The following PARD3B variants were observed in gnomAD, a reference collection of about 807,000 sequenced individuals.
PARD3B encodes par-3 family cell polarity regulator beta, also known as partitioning defective 3 homolog B.
PARD3B carries 103 observed loss-of-function variants against 130.2 expected under a neutral mutation model. That is an observed-to-expected ratio of 0.79 (90% CI 0.67 to 0.93). PARD3B has a LOEUF of 0.93. Among genes scored for constraint, PARD3B ranks in the 40% least tolerant of loss-of-function variants. The pLI is 0.00. For synonymous variants in PARD3B, 583 were observed against 553.2 expected (o/e 1.05, Z -0.76); for missense variants, 1,609 against 1,499.2 (o/e 1.07, Z -1.21).
chr2:205,009,760 T>G (rs1341814270), intron 3 of PARD3B, among the ~76,000 whole-genome samples: 1 of 152,190 alleles, frequency 6.6e-6, no homozygotes, highest in African/African-American at 2.4e-5. Flanking sequence ...TTGTAACATC[T>G]TTTTTGTTCC....
intron 4 of PARD3B, among the ~76,000 whole-genome samples, chr2:205,061,665 C>A (rs1700072836): frequency 6.6e-6 from 1 of 151,912 alleles, no homozygotes; most frequent in Non-Finnish European, 1.5e-5. Context: ...TGAATTTGAT[C>A]ATCTTTAGCT....
intron 21 of PARD3B, among the ~76,000 whole-genome samples, chr2:205,532,915 AATAAG>A (rs1030853299): frequency 6.6e-6 from 1 of 152,230 alleles, no homozygotes; most frequent in Non-Finnish European, 1.5e-5. Context: ...TACATCTATA[AATAAG>A]ATATTAAAGT....
intron 2 of PARD3B, among the ~76,000 whole-genome samples, chr2:204,942,370 A>G (rs1363696160): frequency 1.3e-5 from 2 of 152,174 alleles, no homozygotes; most frequent in African/African-American, 4.8e-5. Flanking sequence ...TATTTCAAAA[A>G]TGTAGTGATT....
At chr2:205,248,418 G>A (rs111408864) in intron 16 of PARD3B, among the ~76,000 whole-genome samples, 38 of 150,772 alleles carry the variant, frequency 2.5e-4, no homozygotes, top group African/African-American at 8.4e-4. Context: ...TGGTGGTGGC[G>A]GCAGCAGCAG....
chr2:205,035,082 C>T (rs1268232291), intron 3 of PARD3B, among the ~76,000 whole-genome samples: 5 of 151,956 alleles, frequency 3.3e-5, no homozygotes, highest in East Asian at 1.9e-4. Flanking sequence ...AGGCTGGTCT[C>T]GAACTCCTAA....
intron 2 of PARD3B, among the ~76,000 whole-genome samples, chr2:204,715,695 G>C (rs755117957): frequency 3.9e-5 from 6 of 152,146 alleles, no homozygotes; most frequent in Admixed American, 3.3e-4. Context: ...TTTGGGGGCT[G>C]CTTGGCTCTT....
At chr2:205,310,128 A>G (rs2042326528) in intron 18 of PARD3B, among the ~76,000 whole-genome samples, 1 of 140,934 alleles carries the variant, frequency 7.1e-6, no homozygotes, top group African/African-American at 2.7e-5. Context: ...TGTGTCACTC[A>G]GGCTGGAGTG....
chr2:204,626,255 C>A (rs895064768), intron 1 of PARD3B, among the ~76,000 whole-genome samples: 1 of 152,078 alleles, frequency 6.6e-6, no homozygotes, highest in Non-Finnish European at 1.5e-5. Flanking sequence ...TTTGGCAAAT[C>A]AGTTTTCTGT....
intron 3 of PARD3B, among the ~76,000 whole-genome samples, chr2:205,008,282 C>A (rs1381750465): frequency 9.5e-6 from 1 of 105,084 alleles, no homozygotes; most frequent in East Asian, 3.1e-4. Flanking sequence ...TTTACAGGCA[C>A]AAATAATCTT....
chr2:205,145,716 G>A (rs915690978), intron 10 of PARD3B, among the ~76,000 whole-genome samples: 8 of 150,542 alleles, frequency 5.3e-5, no homozygotes, highest in South Asian at 4.2e-4. Flanking sequence ...GGCATGCTCC[G>A]TGTAAAGTTG....
rs924388970 is a variant in PARD3B, at chr2:205,341,617, G to A, written c.2630+39916G>A. 5.3e-5 allele frequency among the ~76,000 whole-genome samples: 8 copies of A among 152,066 alleles called. No individual in the cohort carries two copies. The highest frequency in any genetic ancestry group is 1.9e-4 in the African/African-American group (8 of 41,432). On this transcript the variant is annotated intron_variant, in intron 18 of 22. Transcript: ENST00000406610. The surrounding 1 kb of genome is among the most constrained non-coding windows in gnomAD (Gnocchi z 4.3). ...AAGCATGGGGGAAGGAGAGGGTAGG[G>A]AGAGGTTGGTTAACAGACTCAAAAT...
chr2:204,945,839 T>C (rs1461990428), intron 2 of PARD3B, among the ~76,000 whole-genome samples: 1 of 145,012 alleles, frequency 6.9e-6, no homozygotes, highest in Non-Finnish European at 1.5e-5. Context: ...CCTGTATTTC[T>C]TTTCCTGTTA....
At chr2:204,947,595 A>G (rs1311529409) in intron 2 of PARD3B, among the ~76,000 whole-genome samples, 4 of 122,470 alleles carry the variant, frequency 3.3e-5, no homozygotes, top group African/African-American at 6.5e-5. Context: ...CTTTGGCTAA[A>G]GTATTTTCCT....
At chr2:205,010,498 C>T (rs1695627823) in intron 3 of PARD3B, among the ~76,000 whole-genome samples, 1 of 152,200 alleles carries the variant, frequency 6.6e-6, no homozygotes, top group South Asian at 2.1e-4. Context: ...AAGCTGACTT[C>T]TCAGTAGCTT....
rs1167892077 is a variant in PARD3B, at chr2:205,619,936, T to C, written c.*4123T>C. On this transcript the variant is annotated 3_prime_UTR_variant, in exon 23 of 23. Transcript: ENST00000406610. ...AAACCTGTTGTTTGTACCATCACTT[T>C]TTCTGGTGTTTCCTGTGCTTTTGTG... The C allele has an allele frequency of 6.6e-6, 1 of 152,202 alleles. No homozygotes were observed. Among genetic ancestry groups the C allele is most frequent in the Non-Finnish European group, 1.5e-5 (1 of 68,042 alleles). 9.4% of individuals were successfully genotyped at this position (152,202 alleles called of 1,614,324 possible). A position where few individuals can be genotyped will look rare whatever the true frequency, so the allele number is the denominator to read the frequency against.
chr2:205,300,588 G>A lies in PARD3B; in HGVS notation c.2244G>A (p.Glu748=), dbSNP rs1452558617. The A allele has an allele frequency of 6.2e-7, 1 of 1,613,920 alleles. No individual in the cohort carries two copies. The highest frequency in any genetic ancestry group is 2.2e-5 in the East Asian group (1 of 44,876). ...TLGLKKSSSL[E]SLQTAVAEVR... is the part of the protein sequence containing the mutation. ...GTTTGAAAAAGTCCAGCTCCTTGGAGAGTCTGCAGACTGCAGTGGCCGAGG... is the reference window on the plus strand; with the variant it reads ...GTTTGAAAAAGTCCAGCTCCTTGGAAAGTCTGCAGACTGCAGTGGCCGAGG... Residue 748 remains glutamate (E), a synonymous_variant, in exon 17 of 23, where the codon GAG becomes GAA. Coordinates refer to ENST00000406610, the MANE Select transcript of PARD3B (RefSeq NM_001302769.2). The surrounding 1 kb of genome is among the most constrained non-coding windows in gnomAD (Gnocchi z 4.1).
intron 1 of PARD3B, among the ~76,000 whole-genome samples, chr2:204,648,588 A>G (rs2035355330): frequency 7.9e-6 from 1 of 126,456 alleles, no homozygotes; most frequent in Non-Finnish European, 1.6e-5. Flanking sequence ...TATATATTAT[A>G]TTATATATAA....
chr2:205,529,499 A>AT (rs1265079990), intron 21 of PARD3B, among the ~76,000 whole-genome samples: 3 of 151,486 alleles, frequency 2.0e-5, no homozygotes, highest in Admixed American at 6.6e-5. Flanking sequence ...GAGCTCTTAG[A>AT]TTTTTTTTTC....
At chr2:205,036,724 C>T (rs927558983) in intron 3 of PARD3B, among the ~76,000 whole-genome samples, 12 of 141,952 alleles carry the variant, frequency 8.5e-5, no homozygotes, top group East Asian at 4.2e-4. Context: ...ATATACACAG[C>T]GGACTGTATG....
Sources: allele counts gnomAD v4.1 joint callset (sites outside exome capture counted in the v4.1 genomes callset), GRCh38; gene constraint gnomAD v4.1.1; non-coding constraint Gnocchi (gnomAD v3.1); transcripts MANE v1.5; gene names NCBI Gene and HGNC (gene_info 2026-07-23, HGNC 2026-07-21).